GLYATL2: variants seen among roughly 807,000 people sequenced by gnomAD.
The protein encoded by GLYATL2 is glycine-N-acyltransferase like 2, also known as glycine N-acyltransferase-like protein 2.
In GLYATL2, 25 loss-of-function variants were observed where a neutral mutation model predicts 21.4. The ratio of observed to expected loss-of-function variants is 1.17; its 90% confidence interval spans 0.85 to 1.63. The LOEUF is 1.63. Ranked by LOEUF, GLYATL2 falls within the 40% of genes most tolerant of loss-of-function variation. The pLI, the probability that GLYATL2 is intolerant of heterozygous loss-of-function variation, is 0.00. For synonymous variants in GLYATL2, 114 were observed against 118.2 expected, an observed-to-expected ratio of 0.96 and a Z score of 0.23; for missense variants, 361 against 343.3, an observed-to-expected ratio of 1.05 and a Z score of -0.41.
intron 2 of GLYATL2, among the ~76,000 whole-genome samples, chr11:58,839,128 G>C (rs906788603): frequency 5.3e-5 from 8 of 152,094 alleles, no homozygotes; most frequent in African/African-American, 1.9e-4. Flanking sequence ...GAGAATTTTG[G>C]GATAAGCCCT....
At chr11:58,883,745 C>T (rs1854386146) in intron 1 of GLYATL2, among the ~76,000 whole-genome samples, 1 of 152,106 alleles carries the variant, frequency 6.6e-6, no homozygotes, top group African/African-American at 2.4e-5. Flanking sequence ...GGTACCAAAG[C>T]CTGGCAGAGA....
chr11:58,883,987 T>TCGAAG, intron 1 of GLYATL2, among the ~76,000 whole-genome samples: 2 of 152,296 alleles, frequency 1.3e-5, no homozygotes, highest in South Asian at 4.1e-4. Context: ...TCTCAACAGA[T>TCGAAG]GCAGAAAAAG....
chr11:58,835,381 A>G (rs1853411011), intron 5 of GLYATL2, among the ~76,000 whole-genome samples: 2 of 152,238 alleles, frequency 1.3e-5, no homozygotes, highest in South Asian at 4.1e-4. Flanking sequence ...AAGCTGCAAT[A>G]TAAGAAAAAG....
intron 3 of GLYATL2, among the ~76,000 whole-genome samples, 181 bp from the exon 4 acceptor site, chr11:58,837,578 C>T (rs1309968557): frequency 6.6e-6 from 1 of 152,190 alleles, no homozygotes; most frequent in Non-Finnish European, 1.5e-5. Flanking sequence ...AAGATAGTTG[C>T]TTTCTTTTAG....
chr11:58,905,253 T>C (rs1854835153), upstream of GLYATL2: 2 of 355,980 alleles, frequency 5.6e-6, no homozygotes, highest in African/African-American at 4.3e-5. Context: ...CGAAGTTGGA[T>C]CATTTGCGGA....
At chr11:58,905,599 C>T (rs1789919818), upstream of GLYATL2, 1 of 456,310 alleles carries the variant, frequency 2.2e-6, no homozygotes, top group South Asian at 1.5e-5. Context: ...TTGGCTTCCA[C>T]TGGGAGACAG....
chr11:58,902,406 T>C (rs1269731742), intron 1 of GLYATL2, among the ~76,000 whole-genome samples: 1 of 152,168 alleles, frequency 6.6e-6, no homozygotes, highest in Admixed American at 6.5e-5. Flanking sequence ...TACTCATCTC[T>C]CATCCATCAA....
intron 2 of GLYATL2, 36 bp from the exon 3 acceptor site, chr11:58,838,404 G>A (rs758089313): frequency 7.7e-7 from 1 of 1,297,952 alleles, no homozygotes; most frequent in Non-Finnish European, 1.1e-6. Context: ...AGAGGATGAA[G>A]TTCTTCTCCA....
upstream of GLYATL2, among the ~76,000 whole-genome samples, chr11:58,848,647 C>T (rs937308748): frequency 1.3e-4 from 19 of 151,926 alleles, no homozygotes; most frequent in East Asian, 1.3e-3. Flanking sequence ...TTTAAAAATG[C>T]GCTTTCAAAA....
At chr11:58,853,667 T>A (rs1389110156) in intron 1 of GLYATL2, among the ~76,000 whole-genome samples, 5 of 152,228 alleles carry the variant, frequency 3.3e-5, no homozygotes, top group Non-Finnish European at 7.3e-5. Flanking sequence ...TCGTAGTGAA[T>A]ACGTTTTCTA....
chr11:58,878,196 ATTC>A (rs1406471444), intron 1 of GLYATL2: 3 of 249,842 alleles, frequency 1.2e-5, no homozygotes, highest in African/African-American at 6.9e-5. Flanking sequence ...AGATTCCGGA[ATTC>A]TTCATTGCTC....
chr11:58,891,874 A>C (rs1854550343), intron 1 of GLYATL2, among the ~76,000 whole-genome samples: 1 of 152,218 alleles, frequency 6.6e-6, no homozygotes, highest in Admixed American at 6.5e-5. Context: ...GTGATGCTGT[A>C]TATAAAATAA....
upstream of GLYATL2, among the ~76,000 whole-genome samples, chr11:58,848,697 T>C (rs542541095): frequency 3.3e-5 from 5 of 152,228 alleles, 1 homozygote; most frequent in African/African-American, 1.2e-4. Flanking sequence ...AAAACACATC[T>C]ACAGGTTATA....
chr11:58,842,476 CTGTG>C (rs34133004), intron 1 of GLYATL2, among the ~76,000 whole-genome samples: 14,354 of 134,660 alleles, frequency 0.11, 737 homozygotes, highest in Middle Eastern at 0.15. Flanking sequence ...GAGTGAGACT[CTGTG>C]TGTGTGTGTG....
chr11:58,903,457 G>T (rs12281983), intron 1 of GLYATL2, among the ~76,000 whole-genome samples: 23,858 of 151,970 alleles, frequency 0.16, 2,033 homozygotes, highest in East Asian at 0.31. Context: ...CAGAGCACCT[G>T]AGGTCAGGAG....
upstream of GLYATL2, among the ~76,000 whole-genome samples, chr11:58,906,881 G>T (rs1410964089): frequency 6.6e-6 from 1 of 152,160 alleles, no homozygotes; most frequent in African/African-American, 2.4e-5. Flanking sequence ...GGCGGGGGTT[G>T]TGGGATGAGG....
rs552899253 is a variant in GLYATL2 at position 58,870,452 on chromosome 11, G to T, written n.61-32084C>A. On this transcript the variant is annotated intron_variant and non_coding_transcript_variant, in intron 1 of 4. Transcript: ENST00000533636. ...TATCTCTTTCTTTGAATGAGATTGG[G>T]AGTTATTGCAGGAGTTGCACAAAAG... 2.0e-5 allele frequency among the ~76,000 whole-genome samples: 3 copies of T among 152,284 alleles called. No homozygotes were observed. In the East Asian group the frequency reaches 5.8e-4, roughly 29 times the overall value.
Position 58,834,350 on chromosome 11 carries a change from T to C in GLYATL2, c.*79A>G, listed in dbSNP as rs1590709583. The stretch of plus-strand genomic sequence containing the variant: ...CTAGATAATCAGTTGCATTTTGTGC[T>C]AATGTAGATCACAATGCTTGTGTTT... On this transcript the variant is annotated 3_prime_UTR_variant, in exon 6 of 6. Coordinates refer to ENST00000287275, the MANE Select transcript of GLYATL2 (RefSeq NM_145016.4). 2.5e-6 allele frequency: 3 copies of C among 1,190,180 alleles called. No individual in the cohort carries two copies. In the East Asian group the frequency reaches 7.1e-5, roughly 28 times the overall value. The allele number at this position is 1,190,180 out of a possible 1,614,324, so 73.7% of individuals were successfully genotyped here.
intron 1 of GLYATL2, among the ~76,000 whole-genome samples, chr11:58,880,723 T>A (rs764888827): frequency 6.6e-6 from 1 of 152,228 alleles, no homozygotes; most frequent in Non-Finnish European, 1.5e-5. Context: ...GATAGACTCA[T>A]GTCAGAGATC....
Sources: allele counts gnomAD v4.1 joint callset (sites outside exome capture counted in the v4.1 genomes callset), GRCh38; gene constraint gnomAD v4.1.1; transcripts MANE v1.5; gene names NCBI Gene and HGNC (gene_info 2026-07-23, HGNC 2026-07-21).